Variants in AGBL4 observed in about 807,000 individuals in gnomAD.
AGBL4 encodes the protein cytosolic carboxypeptidase 6.
In AGBL4, 58 loss-of-function variants were observed where a neutral mutation model predicts 66.4. The ratio of observed to expected loss-of-function variants is 0.87; its 90% CI spans 0.71 to 1.09. AGBL4 has a LOEUF of 1.09. Among genes scored for constraint, AGBL4 ranks in the 50% least tolerant of loss-of-function variants. The pLI is 0.00. For synonymous variants in AGBL4, 234 were observed against 222.9 expected (o/e 1.05, Z -0.44); for missense variants, 579 against 631.0 (o/e 0.92, Z 0.88).
intron 1 of AGBL4, among the ~76,000 whole-genome samples, chr1:49,948,170 A>G (rs1196408606): frequency 9.8e-6 from 1 of 102,308 alleles, no homozygotes; most frequent in African/African-American, 4.1e-5. Context: ...AAATATATAA[A>G]TATATATAAC....
At chr1:49,725,351 A>G (rs999093293) in intron 2 of AGBL4, among the ~76,000 whole-genome samples, 1 of 152,174 alleles carries the variant, frequency 6.6e-6, no homozygotes, top group Non-Finnish European at 1.5e-5. Context: ...AATCTATAAA[A>G]TGAATATGTA....
chr1:48,907,526 G>T (rs1412683320), intron 5 of AGBL4, among the ~76,000 whole-genome samples: 3 of 152,222 alleles, frequency 2.0e-5, no homozygotes, highest in East Asian at 3.9e-4. Context: ...GAAAGGCCTG[G>T]TGGTAAGACA....
intron 3 of AGBL4, among the ~76,000 whole-genome samples, chr1:49,589,616 TATA>T (rs781508038): frequency 6.6e-6 from 1 of 152,158 alleles, no homozygotes; most frequent in Non-Finnish European, 1.5e-5. Context: ...ATGGAAATTA[TATA>T]ATATTTCATA....
At chr1:49,520,689 T>C (rs1272640646) in intron 3 of AGBL4, among the ~76,000 whole-genome samples, 1 of 152,014 alleles carries the variant, frequency 6.6e-6, no homozygotes, top group Middle Eastern at 3.2e-3. Flanking sequence ...ATTCCTCCTC[T>C]AGACGCTGAT....
At chr1:49,914,949 T>C (rs1213164634) in intron 1 of AGBL4, among the ~76,000 whole-genome samples, 1 of 152,162 alleles carries the variant, frequency 6.6e-6, no homozygotes, top group Non-Finnish European at 1.5e-5. Context: ...AATCCCTTCA[T>C]GACCTAATCA....
chr1:48,550,273 C>T (rs1191112471), intron 11 of AGBL4, among the ~76,000 whole-genome samples: 1 of 151,702 alleles, frequency 6.6e-6, no homozygotes, highest in Non-Finnish European at 1.5e-5. Flanking sequence ...AAATCAGTTT[C>T]ACTGGGGCCA....
intron 5 of AGBL4, among the ~76,000 whole-genome samples, chr1:48,900,180 A>G (rs1043319949): frequency 6.6e-6 from 1 of 152,096 alleles, no homozygotes. Flanking sequence ...GAGTATAGAG[A>G]TGGGGACCAA....
Position 49,755,010 on chromosome 1 carries a change from A to G in AGBL4, c.158-57573T>C, listed in dbSNP as rs1036182582. ...AGCCCCACACCATACTGTAGATGGT[A>G]ATCTGCTTTACTCCAAGCCTAATAA... On this transcript the variant is annotated intron_variant, in intron 2 of 13. Coordinates refer to ENST00000371839, the MANE Select transcript of AGBL4 (RefSeq NM_032785.4). 2.6e-5 allele frequency among the ~76,000 whole-genome samples: 4 copies of G among 152,326 alleles called. No individual in the cohort carries two copies. In the East Asian group the frequency reaches 5.8e-4, roughly 22 times the overall value.
chr1:49,397,253 CAA>C (rs77923013), intron 3 of AGBL4, among the ~76,000 whole-genome samples: 1 of 142,982 alleles, frequency 7.0e-6, no homozygotes, highest in Admixed American at 7.0e-5. Flanking sequence ...CCCACTCCAC[CAA>C]AAAAAAAAAA....
chr1:48,879,292 T>TGC (rs779773998), intron 5 of AGBL4, among the ~76,000 whole-genome samples: 75 of 152,126 alleles, frequency 4.9e-4, no homozygotes, highest in Non-Finnish European at 9.0e-4. Context: ...TGTGTGTGTG[T>TGC]GCACGAGTGT....
chr1:49,689,186 T>G (rs1646840748), intron 3 of AGBL4, among the ~76,000 whole-genome samples: 2 of 152,170 alleles, frequency 1.3e-5, no homozygotes, highest in South Asian at 4.1e-4. Flanking sequence ...TGTTTTCTTT[T>G]AGTAGTTTCA....
At chr1:48,880,616 A>G (rs1176050669) in intron 5 of AGBL4, among the ~76,000 whole-genome samples, 1 of 152,148 alleles carries the variant, frequency 6.6e-6, no homozygotes, top group Non-Finnish European at 1.5e-5. Flanking sequence ...CACTGCATCC[A>G]TGCCAACACC....
At chr1:49,876,140 G>A (rs1372068444) in intron 1 of AGBL4, among the ~76,000 whole-genome samples, 1 of 149,010 alleles carries the variant, frequency 6.7e-6, no homozygotes, top group Non-Finnish European at 1.5e-5. Context: ...TTCTTTTGCT[G>A]TGCAGAAGCT....
At chr1:48,924,661 C>T (rs1654377916) in intron 5 of AGBL4, among the ~76,000 whole-genome samples, 2 of 152,014 alleles carry the variant, frequency 1.3e-5, no homozygotes, top group Admixed American at 1.3e-4. Flanking sequence ...CAAATAGCTG[C>T]CCAAAAAATA....
chr1:48,843,814 T>C (rs1319592531), intron 6 of AGBL4, among the ~76,000 whole-genome samples: 1 of 152,076 alleles, frequency 6.6e-6, no homozygotes, highest in Non-Finnish European at 1.5e-5. Flanking sequence ...GGTGAGATAA[T>C]AGAACTGGAA....
chr1:49,851,356 A>C, intron 2 of AGBL4, 40 bp downstream of exon 2: 1 of 1,513,274 alleles, frequency 6.6e-7, no homozygotes, highest in South Asian at 1.3e-5. Context: ...GAAATGCCTT[A>C]CCAGACAAAC....
chr1:49,827,478 A>T (rs1443410242), intron 2 of AGBL4, among the ~76,000 whole-genome samples: 1 of 152,202 alleles, frequency 6.6e-6, no homozygotes, highest in Non-Finnish European at 1.5e-5. Flanking sequence ...TCCATTTTAA[A>T]ATATCAATAC....
chr1:49,888,900 C>T (rs1196181435), intron 1 of AGBL4, among the ~76,000 whole-genome samples: 1 of 152,080 alleles, frequency 6.6e-6, no homozygotes, highest in East Asian at 1.9e-4. Context: ...TAAGCATGTA[C>T]TATATGTTCA....
intron 4 of AGBL4, among the ~76,000 whole-genome samples, chr1:49,183,901 C>A (rs1199616418): frequency 6.6e-6 from 1 of 152,096 alleles, no homozygotes; most frequent in African/African-American, 2.4e-5. Flanking sequence ...TGGCTTTTGA[C>A]AGATATAAGA....
Sources: allele counts gnomAD v4.1 joint callset (sites outside exome capture counted in the v4.1 genomes callset), GRCh38; gene constraint gnomAD v4.1.1; transcripts MANE v1.5; gene names NCBI Gene and HGNC (gene_info 2026-07-23, HGNC 2026-07-21).